Variants in RANBP17 observed in about 807,000 individuals in gnomAD.
RANBP17 encodes the protein ran-binding protein 17.
RANBP17 carries 158 observed loss-of-function variants against 141.2 expected under a neutral mutation model. The observed-to-expected ratio is 1.12, with a 90% CI of 0.98 to 1.28. RANBP17 has a LOEUF of 1.28. Among genes scored for constraint, RANBP17 ranks in the 50% most tolerant of loss-of-function variants. The pLI is 0.00. For missense variants in RANBP17, 1,438 were observed against 1,290.7 expected (o/e 1.11, Z -1.75); for synonymous variants, 430 against 450.0 (o/e 0.96, Z 0.56).
chr5:171,230,670 G>A lies in RANBP17; in HGVS notation c.2422+8830G>A, dbSNP rs1008392652. 1.1e-4 allele frequency among the ~76,000 whole-genome samples: 16 copies of A among 152,256 alleles called. No homozygotes were observed. The East Asian group carries it at 1.5e-3, about 15-fold the overall frequency. On this transcript the variant is annotated intron_variant, in intron 22 of 27. Transcript: ENST00000523189. ...CCAGCTACCTGGAAGGCTGAGGCAG[G>A]AGAATTGCTTGAACCTGGGAGGCAG...
chr5:171,191,641 C>G (rs1052166465), intron 18 of RANBP17, among the ~76,000 whole-genome samples: 4 of 151,400 alleles, frequency 2.6e-5, no homozygotes, highest in Non-Finnish European at 4.4e-5. Flanking sequence ...GAGCCGAGGT[C>G]GCGTCACTGC....
chr5:171,198,136 T>C (rs1395960567), intron 18 of RANBP17, among the ~76,000 whole-genome samples: 1 of 152,236 alleles, frequency 6.6e-6, no homozygotes, highest in Non-Finnish European at 1.5e-5. Flanking sequence ...GGGAAAGATA[T>C]TATTTCACCT....
At chr5:170,918,202 T>G (rs998853940) in intron 9 of RANBP17, 2 of 152,108 alleles carry the variant, frequency 1.3e-5, no homozygotes. Context: ...AATGACTGTC[T>G]AGAGACATGG....
chr5:171,199,581 T>A, intron 18 of RANBP17, 89 bp from the exon 19 acceptor site: 2 of 725,980 alleles, frequency 2.8e-6, no homozygotes, highest in East Asian at 5.7e-5. Flanking sequence ...TCGGGAATAT[T>A]TCTAAGCCTA....
rs371368060 is a variant in RANBP17, at chr5:170,920,328, T to A, written c.1274+715T>A. 4.1e-4 allele frequency among the ~76,000 whole-genome samples: 63 copies of A among 152,318 alleles called. 1 individual carries two copies. In the South Asian group the frequency reaches 0.013, roughly 31 times the overall value. On this transcript the variant is annotated intron_variant, in intron 11 of 27. Transcript: ENST00000523189. ...GCTCTGTGTTCTCACTAGCACTTGA[T>A]ATTGTTAGTTTGAAAAAATTTTACT... is the stretch of plus-strand genomic sequence containing the variant.
intron 13 of RANBP17, among the ~76,000 whole-genome samples, chr5:170,954,515 C>CAG (rs1453942127): frequency 7.4e-6 from 1 of 135,690 alleles, no homozygotes; most frequent in Non-Finnish European, 1.5e-5. Context: ...ATATTTTACA[C>CAG]ACACACACAC....
At chr5:171,296,129 T>A in intron 27 of RANBP17, 115 bp downstream of exon 27, 1 of 1,053,386 alleles carries the variant, frequency 9.5e-7, no homozygotes, top group Non-Finnish European at 1.4e-6. Flanking sequence ...CTGTTACACC[T>A]TGTGATCCTA....
At chr5:170,984,113 TGGGAAA>T (rs1468173113) in intron 14 of RANBP17, among the ~76,000 whole-genome samples, 2 of 152,060 alleles carry the variant, frequency 1.3e-5, no homozygotes, top group Non-Finnish European at 2.9e-5. Context: ...GTAGGAAGTC[TGGGAAA>T]GCAGACACAT....
intron 14 of RANBP17, among the ~76,000 whole-genome samples, chr5:171,007,048 G>T (rs529436673): frequency 6.6e-6 from 1 of 152,140 alleles, no homozygotes; most frequent in African/African-American, 2.4e-5. Context: ...GAAGCCGGTG[G>T]TTATCAGTGT....
At chr5:170,902,678 T>C (rs1157430482) in intron 5 of RANBP17, among the ~76,000 whole-genome samples, 1 of 152,242 alleles carries the variant, frequency 6.6e-6, no homozygotes, top group African/African-American at 2.4e-5. Flanking sequence ...TGGTCTTTGA[T>C]GTTGGTGATC....
intron 12 of RANBP17, among the ~76,000 whole-genome samples, chr5:170,936,531 T>TA (rs1773894721): frequency 6.6e-6 from 1 of 152,200 alleles, no homozygotes; most frequent in African/African-American, 2.4e-5. Context: ...TACAAATATT[T>TA]AGAGTTTTCC....
chr5:170,937,877 G>A (rs958963776), intron 12 of RANBP17, among the ~76,000 whole-genome samples: 1 of 152,116 alleles, frequency 6.6e-6, no homozygotes, highest in African/African-American at 2.4e-5. Context: ...ATTAGTGTTT[G>A]GTTCTTCAAA....
intron 18 of RANBP17, among the ~76,000 whole-genome samples, chr5:171,198,924 C>A (rs1476152776): frequency 6.6e-6 from 1 of 152,100 alleles, no homozygotes; most frequent in Non-Finnish European, 1.5e-5. Context: ...AAAGAAACCC[C>A]TTTTGAAAAA....
chr5:171,079,620 C>T (rs775345623), intron 14 of RANBP17, among the ~76,000 whole-genome samples: 2 of 152,200 alleles, frequency 1.3e-5, no homozygotes, highest in African/African-American at 2.4e-5. Context: ...ACACCAACAT[C>T]GAGGCCAGAC....
intron 25 of RANBP17, among the ~76,000 whole-genome samples, chr5:171,282,155 G>T (rs1767897275): frequency 1.3e-5 from 2 of 152,182 alleles, no homozygotes; most frequent in African/African-American, 2.4e-5. Flanking sequence ...GAAGGAAAGG[G>T]AATTACTTAG....
At chr5:171,085,316 A>G (rs1264705439) in intron 14 of RANBP17, among the ~76,000 whole-genome samples, 1 of 132,372 alleles carries the variant, frequency 7.6e-6, no homozygotes, top group Non-Finnish European at 1.6e-5. Context: ...TGTTCCATTG[A>G]TCTATATCTC....
intron 14 of RANBP17, among the ~76,000 whole-genome samples, chr5:171,105,938 A>G (rs1290476308): frequency 6.6e-6 from 1 of 152,184 alleles, no homozygotes; most frequent in Non-Finnish European, 1.5e-5. Context: ...GTCACCCCTG[A>G]TTGTTGCTTT....
chr5:171,092,417 A>G lies in RANBP17; in HGVS notation c.1711-77713A>G, dbSNP rs187697885. Reference sequence around the variant, plus strand: ...GTTTGTGAGTGACGCTCTGTGTTATATTTACTTCCCTAATATATAGTCACC... The same window carrying G: ...GTTTGTGAGTGACGCTCTGTGTTATGTTTACTTCCCTAATATATAGTCACC... On this transcript the variant is annotated intron_variant, in intron 14 of 27. Coordinates refer to ENST00000523189, the MANE Select transcript of RANBP17 (RefSeq NM_022897.5). Among the ~76,000 whole-genome samples the G allele has an allele frequency of 4.6e-5, 7 of 152,342 alleles. No homozygotes were observed. In the East Asian group the frequency reaches 1.2e-3, roughly 25 times the overall value.
chr5:171,039,478 G>T (rs539773621), intron 14 of RANBP17, among the ~76,000 whole-genome samples: 1 of 151,706 alleles, frequency 6.6e-6, no homozygotes, highest in Non-Finnish European at 1.5e-5. Context: ...ATAGATTCTG[G>T]ATATTAGACC....
Sources: gnomAD v4.1 joint callset for allele counts (sites outside exome capture counted in the v4.1 genomes callset) on GRCh38, gnomAD v4.1.1 for gene constraint, MANE v1.5 for transcripts, NCBI Gene and HGNC (gene_info 2026-07-23, HGNC 2026-07-21) for gene names.